LIMS2: variants seen among roughly 807,000 people sequenced by gnomAD.
LIMS2 encodes LIM zinc finger domain containing 2.
LIMS2 carries 30 observed loss-of-function variants against 45.3 expected under a neutral mutation model. The observed-to-expected ratio is 0.66, with a 90% CI of 0.50 to 0.90. The LOEUF (loss-of-function observed/expected upper bound fraction) is 0.90. LIMS2 is among the 40% of genes least tolerant of loss of function. The probability of loss-of-function intolerance (pLI) is 0.00; values close to 1 mark genes in which losing one functional copy is unlikely to be tolerated. For missense variants in LIMS2, 485 were observed against 468.7 expected (o/e 1.03, Z -0.32); for synonymous variants, 173 against 188.0 (o/e 0.92, Z 0.65).
In LIMS2 at chr2:127,672,216, C is replaced by T. The variant is rs1377260826; in HGVS notation, c.11+2798G>A. ...GACAGCTGGGTCCCTAGGTAGGTGG[C>T]CTTAATATCCTCCCTGTAGAACAAT... On this transcript the variant is annotated intron_variant, in intron 1 of 9. Transcript: ENST00000355119. The surrounding 1 kb of genome is among the most constrained non-coding windows in gnomAD (Gnocchi z 4.9). 6.6e-6 allele frequency among the ~76,000 whole-genome samples: 1 copy of T among 152,180 alleles called. No individual in the cohort carries two copies. The highest frequency in any genetic ancestry group is 2.4e-5 in the African/African-American group (1 of 41,440).
chr2:127,674,521 A>G, intron 1 of LIMS2: 1 of 661,000 alleles, frequency 1.5e-6, no homozygotes, highest in Non-Finnish European at 1.9e-6. Flanking sequence ...GCTTGGGCGC[A>G]GCTCTGGCCA....
rs2244649 is a variant in LIMS2 at position 127,642,527 on chromosome 2, G to C, written c.510-328C>G. 18 of 380,224 alleles carry C rather than the reference G, an allele frequency of 4.7e-5. No individual in the cohort carries two copies. Among genetic ancestry groups the C allele is most frequent in the African/African-American group, 3.7e-4 (18 of 48,716 alleles). 23.6% of individuals were successfully genotyped at this position (380,224 alleles called of 1,614,324 possible). ...ACGGAGAGGACTGGAGGGGACGGTG[G>C]GGGTGGGCGAGGACGGGGGCTGAGG... On this transcript the variant is annotated intron_variant, in intron 5 of 9. Coordinates refer to ENST00000355119, the MANE Select transcript of LIMS2 (RefSeq NM_001161403.3). The surrounding 1 kb of genome is among the most constrained non-coding windows in gnomAD (Gnocchi z 5.3).
rs535422507 is a variant in LIMS2, at chr2:127,657,653, G to A, written c.12-91C>T. On this transcript the variant is annotated intron_variant, in intron 1 of 9. Coordinates refer to ENST00000355119, the MANE Select transcript of LIMS2 (RefSeq NM_001161403.3). The stretch of plus-strand genomic sequence containing the variant: ...GGCCTGCGCCCGACAGACACACCTC[G>A]TATTAAAAAGTGAAGACGCTCTGCA... The A allele has an allele frequency of 3.9e-5, 51 of 1,320,888 alleles. No individual in the cohort carries two copies. In the South Asian group the frequency reaches 6.6e-4, roughly 17 times the overall value. The allele number at this position is 1,320,888 out of a possible 1,614,324, so 81.8% of individuals were successfully genotyped here. A position where few individuals can be genotyped will look rare whatever the true frequency, so the allele number is the denominator to read the frequency against.
Position 127,664,955 on chromosome 2 carries a change from C to T in LIMS2, c.12-7393G>A, listed in dbSNP as rs1684929306. Among the ~76,000 whole-genome samples the T allele has an allele frequency of 6.6e-6, 1 of 152,352 alleles. No homozygotes were observed. The highest frequency in any genetic ancestry group is 1.9e-4 in the East Asian group (1 of 5,186). On this transcript the variant is annotated intron_variant, in intron 1 of 9. Coordinates refer to ENST00000355119, the MANE Select transcript of LIMS2 (RefSeq NM_001161403.3). The surrounding 1 kb of genome is among the most constrained non-coding windows in gnomAD (Gnocchi z 5.5). ...GCACCCAGACCAGGGCAGAGCCGAT[C>T]CTCTGGATCTGGCCAACAAATGGTC... is the stretch of plus-strand genomic sequence containing the variant.
chr2:127,661,094 G>A (rs992439844), intron 1 of LIMS2, among the ~76,000 whole-genome samples: 2 of 152,234 alleles, frequency 1.3e-5, no homozygotes, highest in Non-Finnish European at 2.9e-5. Flanking sequence ...ACAGCACCAT[G>A]AGAGAACACG....
In LIMS2 at chr2:127,640,130, T is replaced by G. The variant is rs781495883; in HGVS notation, c.818A>C (p.Asn273Thr). The change falls in exon 9 of 10, where the codon AAC becomes ACC. Residue 273 changes from asparagine (N) to threonine (T), a missense_variant. Transcript: ENST00000355119. ...VIEGDVVSAL[N>T]KAWCVSCFSC... Reference sequence around the variant, plus strand: ...GAAGCAGCTCACACACCAGGCCTTGTTGAGGGCCGACACCACTGTGAGGGA... The same window carrying G: ...GAAGCAGCTCACACACCAGGCCTTGGTGAGGGCCGACACCACTGTGAGGGA... The G allele has an allele frequency of 1.2e-6, 2 of 1,613,416 alleles. No homozygotes were observed.
intron 1 of LIMS2, among the ~76,000 whole-genome samples, chr2:127,660,392 G>C (rs1178918485): frequency 3.9e-5 from 6 of 152,180 alleles, no homozygotes; most frequent in Non-Finnish European, 7.3e-5. Context: ...CACGTTCTTT[G>C]GGTCTGCGCC....
intron 4 of LIMS2, chr2:127,652,145 T>G: frequency 3.9e-6 from 1 of 254,556 alleles, no homozygotes; most frequent in Non-Finnish European, 8.1e-6. Context: ...AGGCTGCAAA[T>G]GACCCAGAAG....
chr2:127,639,903 C>A (rs1682231878), intron 9 of LIMS2, among the ~76,000 whole-genome samples, 167 bp downstream of exon 9: 2 of 152,156 alleles, frequency 1.3e-5, no homozygotes, highest in Non-Finnish European at 2.9e-5. Flanking sequence ...TCCCCTAGAC[C>A]CCCTGAACCT....
At chr2:127,649,522 G>A (rs1241922108) in intron 4 of LIMS2, among the ~76,000 whole-genome samples, 3 of 152,230 alleles carry the variant, frequency 2.0e-5, no homozygotes, top group South Asian at 2.1e-4. Flanking sequence ...CAATTCAAAG[G>A]CAGGCCAGGT....
At chr2:127,644,279 G>A (rs907706271) in intron 4 of LIMS2, among the ~76,000 whole-genome samples, 7 of 152,170 alleles carry the variant, frequency 4.6e-5, no homozygotes, top group African/African-American at 1.2e-4. Flanking sequence ...CGAATGCCTC[G>A]GTGAATGAAT....
rs7573909 is a variant in LIMS2 at position 127,672,941 on chromosome 2, C to T, written c.11+2073G>A. On this transcript the variant is annotated intron_variant, in intron 1 of 9. Transcript: ENST00000355119. This position sits in a 1 kb window ranked among gnomAD's most constrained non-coding sequence, Gnocchi z 4.9. ...CAGGATCCAGGCACGAGGAGCTGCC[C>T]GGGATCACATGGGAACAGTGGACGT... 0.35 allele frequency among the ~76,000 whole-genome samples: 53,908 copies of T among 152,130 alleles called. 10,189 individuals are homozygous for T. The highest frequency in any genetic ancestry group is 0.51 in the South Asian group (2,448 of 4,826).
chr2:127,649,185 AAGGAAG>A (rs1334605694), intron 4 of LIMS2, among the ~76,000 whole-genome samples: 14 of 150,798 alleles, frequency 9.3e-5, no homozygotes, highest in Admixed American at 2.0e-4. Context: ...GGAAGGAAGG[AAGGAAG>A]GAAGGAAGGA....
intron 4 of LIMS2, chr2:127,650,906 C>T: frequency 6.2e-7 from 1 of 1,614,100 alleles, no homozygotes; most frequent in South Asian, 1.1e-5. Flanking sequence ...GGCTTTTCAT[C>T]CGAGACCACA....
chr2:127,659,861 G>A (rs573432505), intron 1 of LIMS2, among the ~76,000 whole-genome samples: 16 of 152,248 alleles, frequency 1.1e-4, no homozygotes, highest in South Asian at 1.0e-3. Context: ...GCACCCACAC[G>A]CCTGCCCCCT....
chr2:127,660,369 G>A (rs573344902), intron 1 of LIMS2, among the ~76,000 whole-genome samples: 6 of 152,318 alleles, frequency 3.9e-5, no homozygotes, highest in Admixed American at 3.9e-4. Context: ...CTTTGTAGTA[G>A]CTTTTGCTGC....
chr2:127,675,755 TG>T (rs1685483039), upstream of LIMS2, among the ~76,000 whole-genome samples: 1 of 152,090 alleles, frequency 6.6e-6, no homozygotes, highest in South Asian at 2.1e-4. Flanking sequence ...ACCGCGGATC[TG>T]GGCACTGACT....
intron 4 of LIMS2, among the ~76,000 whole-genome samples, chr2:127,648,792 G>A (rs1352535942): frequency 6.6e-6 from 1 of 151,660 alleles, no homozygotes; most frequent in Non-Finnish European, 1.5e-5. Flanking sequence ...GTGGTGGTGT[G>A]CGCCTGTAGT....
rs746982868 is a variant in LIMS2, at chr2:127,673,740, T to C, written c.11+1274A>G. The C allele has an allele frequency of 1.9e-5, 29 of 1,551,274 alleles. No individual in the cohort carries two copies. In the African/African-American group the frequency reaches 3.8e-4, roughly 21 times the overall value. On this transcript the variant is annotated intron_variant, in intron 1 of 9. Coordinates refer to ENST00000355119, the MANE Select transcript of LIMS2 (RefSeq NM_001161403.3). ...CTGTTCCTGTCTCTCCCCACTTTCT[T>C]TTCCTAGAAAACAGGAGAGTGAGAA...
Sources: allele counts gnomAD v4.1 joint callset (sites outside exome capture counted in the v4.1 genomes callset), GRCh38; gene constraint gnomAD v4.1.1; non-coding constraint Gnocchi (gnomAD v3.1); transcripts MANE v1.5; gene names NCBI Gene and HGNC (gene_info 2026-07-23, HGNC 2026-07-21).